Variants in KDELR2 observed in about 807,000 individuals in gnomAD.
The protein encoded by KDELR2 is ER lumen protein-retaining receptor 2.
Under a neutral mutation model 23.9 loss-of-function variants are expected in KDELR2, and 15 were observed. That is an observed-to-expected ratio of 0.63 (90% CI 0.42 to 0.97). The LOEUF (loss-of-function observed/expected upper bound fraction) is 0.97. Ranked by LOEUF, KDELR2 falls within the 50% of genes least tolerant of loss-of-function variation. The pLI, the probability that KDELR2 is intolerant of heterozygous loss-of-function variation, is 0.00. For synonymous variants in KDELR2, 119 were observed against 106.2 expected, an observed-to-expected ratio of 1.12 and a Z score of -0.74; for missense variants, 272 against 254.6, an observed-to-expected ratio of 1.07 and a Z score of -0.46.
chr7:6,469,762 T>TA lies in KDELR2; in HGVS notation c.193-9dup, dbSNP rs754189953. 6.3e-7 allele frequency: 1 copy of TA among 1,598,562 alleles called. No individual in the cohort carries two copies. The highest frequency in any genetic ancestry group is 1.1e-5 in the South Asian group (1 of 88,292). ...GCAGGCAAGGTAGATAACCTACAAA[T>TA]AAAAGAAAAAACACCAGGTGTCAAT... On this transcript the variant is annotated splice_polypyrimidine_tract_variant and intron_variant, in intron 2 of 4. Coordinates refer to ENST00000258739, the MANE Select transcript of KDELR2 (RefSeq NM_006854.4).
chr7:6,461,844 C>G lies in KDELR2; in HGVS notation c.*1297G>C, dbSNP rs188023966. On this transcript the variant is annotated 3_prime_UTR_variant, in exon 5 of 5. Coordinates refer to ENST00000258739, the MANE Select transcript of KDELR2 (RefSeq NM_006854.4). ...TTGCATTAATCAAAAAATAGCAAAT[C>G]CATATAATGGCAAAATCAGGAAAAA... The G allele has an allele frequency of 6.6e-6, 1 of 152,012 alleles. No individual in the cohort carries two copies. The highest frequency in any genetic ancestry group is 2.4e-5 in the African/African-American group (1 of 41,432). The allele number at this position is 152,012 out of a possible 1,614,324, so 9.4% of individuals were successfully genotyped here. A position where few individuals can be genotyped will look rare whatever the true frequency, so the allele number is the denominator to read the frequency against.
rs10281166 is a variant in KDELR2 at position 6,477,627 on chromosome 7, G to C, written c.92-3343C>G. On this transcript the variant is annotated intron_variant, in intron 1 of 4. Transcript: ENST00000258739. ...TCAGTCATTAAACAACATCATTCTT[G>C]TCTTATCCTACTGGGCCAGGTTAAA... 8.9e-3 allele frequency among the ~76,000 whole-genome samples: 1,356 copies of C among 152,276 alleles called. 21 individuals carry two copies. Among genetic ancestry groups the C allele is most frequent in the African/African-American group, 0.03 (1,235 of 41,540 alleles).
rs779233493 is a variant in KDELR2 at position 6,466,303 on chromosome 7, G to C, written c.372C>G (p.Ile124Met). Residue 124 changes from isoleucine to methionine, a missense_variant, in exon 4 of 5, where the codon ATC becomes ATG. Physicochemically the swap from Ile to Met is conservative, Grantham distance 10 (BLOSUM62 1). Transcript: ENST00000258739. The part of the protein sequence containing the change: ...SPLEILWTFS[I>M]YLESVAILPQ... Reference sequence around the variant, plus strand: ...GAAGGATAGCCACGGACTCCAGGTAGATGGAGAAGGTCCAGAGGATCTGGA... The same window carrying C: ...GAAGGATAGCCACGGACTCCAGGTACATGGAGAAGGTCCAGAGGATCTGGA... The C allele has an allele frequency of 2.5e-6, 4 of 1,614,032 alleles. No individual in the cohort carries two copies. In the South Asian group the frequency reaches 4.4e-5, roughly 18 times the overall value.
At position 6,470,036 on chromosome 7, in the gene KDELR2, T is replaced by G. The variant is rs974298481; in HGVS notation, c.193-282A>C. On this transcript the variant is annotated intron_variant, in intron 2 of 4. Transcript: ENST00000258739. Reference sequence around the variant, plus strand: ...ACTCCCCCAGGCTTCCTTCACCTCCTGCAGTGCAATCACACTTATGTTCTC... The same window carrying G: ...ACTCCCCCAGGCTTCCTTCACCTCCGGCAGTGCAATCACACTTATGTTCTC... 2.2e-5 allele frequency: 6 copies of G among 273,054 alleles called. No homozygotes were observed. In the South Asian group the frequency reaches 3.9e-4, roughly 18 times the overall value. 16.9% of individuals were successfully genotyped at this position (273,054 alleles called of 1,614,324 possible). A position where few individuals can be genotyped will look rare whatever the true frequency, so the allele number is the denominator to read the frequency against.
At chr7:6,475,893 G>C (rs1471155245) in intron 1 of KDELR2, among the ~76,000 whole-genome samples, 1 of 152,122 alleles carries the variant, frequency 6.6e-6, no homozygotes, top group African/African-American at 2.4e-5. Context: ...CACTCCTCTG[G>C]AACGTGAAAA....
Position 6,464,720 on chromosome 7 carries a change from A to ATGC in KDELR2, c.604+1348_604+1350dup, listed in dbSNP as rs916422592. Among the ~76,000 whole-genome samples, 7 of 143,056 alleles carry ATGC rather than the reference A, an allele frequency of 4.9e-5. No individual in the cohort carries two copies. In the South Asian group the frequency reaches 9.0e-4, roughly 18 times the overall value. The allele number at this position is 143,056 out of a possible 152,430, so 93.9% of individuals were successfully genotyped here. A position where few individuals can be genotyped will look rare whatever the true frequency, so the allele number is the denominator to read the frequency against. On this transcript the variant is annotated intron_variant, in intron 4 of 4. Transcript: ENST00000258739. ...ACAAAAGGAAAGAGATAAGACATAT[A>ATGC]TGCTCTTTTTTTTCTTTTTTTTTTT...
chr7:6,481,930 T>A (rs949393852), intron 1 of KDELR2, among the ~76,000 whole-genome samples: 1 of 152,134 alleles, frequency 6.6e-6, no homozygotes, highest in African/African-American at 2.4e-5. Flanking sequence ...AGATCCCACC[T>A]CCACAGAATG....
Position 6,462,761 on chromosome 7 carries a change from A to G in KDELR2, c.*380T>C. On this transcript the variant is annotated 3_prime_UTR_variant, in exon 5 of 5. Coordinates refer to ENST00000258739, the MANE Select transcript of KDELR2 (RefSeq NM_006854.4). ...TATAATCTATCAACTGTCAAGGAGT[A>G]CAATTTCATTGCAGACACAAAGACT... is the stretch of plus-strand genomic sequence containing the variant. 1 of 485,416 alleles carries G rather than the reference A, an allele frequency of 2.1e-6. No homozygotes were observed. The highest frequency in any genetic ancestry group is 3.6e-6 in the Non-Finnish European group (1 of 277,748). The allele number at this position is 485,416 out of a possible 1,614,324, so 30.1% of individuals were successfully genotyped here.
intron 1 of KDELR2, among the ~76,000 whole-genome samples, chr7:6,483,461 C>G (rs1258097273): frequency 6.6e-6 from 1 of 152,164 alleles, no homozygotes; most frequent in African/African-American, 2.4e-5. Flanking sequence ...GGTGGGGAGC[C>G]GAGTGACCTC....
In KDELR2 at chr7:6,466,111, G is replaced by A. The variant is rs538831789; in HGVS notation, c.564C>T (p.Thr188=). 128 of 1,614,062 alleles carry A rather than the reference G, an allele frequency of 7.9e-5. No homozygotes were observed. The Middle Eastern group carries it at 8.2e-4, about 10-fold the overall frequency. The change falls in exon 4 of 5, where the codon ACC becomes ACT. Residue 188 remains threonine, a synonymous_variant. Coordinates refer to ENST00000258739, the MANE Select transcript of KDELR2 (RefSeq NM_006854.4). The part of the protein sequence containing the change: ...LIAVVAGVVQ[T]ILYCDFFYLY... ...AGTAGAAGAAGTCACAGTATAGGAT[G>A]GTCTGGACTACGCCGGCCACCACAG...
intron 4 of KDELR2, 125 bp downstream of exon 4, chr7:6,465,946 C>G (rs1205303920): frequency 1.0e-6 from 1 of 961,698 alleles, no homozygotes; most frequent in Non-Finnish European, 1.6e-6. Context: ...ATGTTATTGG[C>G]CAATCATGAA....
At chr7:6,466,680 G>A (rs905540542) in intron 3 of KDELR2, among the ~76,000 whole-genome samples, 2 of 151,838 alleles carry the variant, frequency 1.3e-5, no homozygotes, top group African/African-American at 2.4e-5. Flanking sequence ...CCCTGAGCTT[G>A]TTTTCCTGCA....
Position 6,468,473 on chromosome 7 carries a change from CGTGCGAT to C in KDELR2, c.351+1116_351+1122del, listed in dbSNP as rs1204411414. The stretch of plus-strand genomic sequence containing the variant: ...CCTCCTGAGTAGCTGGGATTACAGG[CGTGCGAT>C]ACCACACCCAGCTAATTTTTGATTT... On this transcript the variant is annotated intron_variant, in intron 3 of 4. Transcript: ENST00000258739. 3.3e-5 allele frequency among the ~76,000 whole-genome samples: 5 copies of C among 151,856 alleles called. No homozygotes were observed. The East Asian group carries it at 9.7e-4, about 29-fold the overall frequency.
At chr7:6,479,685 G>A (rs1338383345) in intron 1 of KDELR2, among the ~76,000 whole-genome samples, 1 of 152,072 alleles carries the variant, frequency 6.6e-6, no homozygotes, top group African/African-American at 2.4e-5. Context: ...CACCGTGTTA[G>A]CCAGGATGGT....
chr7:6,473,462 T>G (rs914390734), intron 2 of KDELR2, among the ~76,000 whole-genome samples: 1 of 152,200 alleles, frequency 6.6e-6, no homozygotes, highest in African/African-American at 2.4e-5. Flanking sequence ...GTGTGGGGTG[T>G]GTGCCACCAG....
chr7:6,473,090 T>TG (rs1785687023), intron 2 of KDELR2, among the ~76,000 whole-genome samples: 3 of 144,042 alleles, frequency 2.1e-5, no homozygotes, highest in African/African-American at 7.7e-5. Context: ...GTATTTTTTT[T>TG]TTTTTTTTTT....
chr7:6,482,822 C>CA (rs1785930229), intron 1 of KDELR2, among the ~76,000 whole-genome samples: 1 of 77,980 alleles, frequency 1.3e-5, no homozygotes, highest in Non-Finnish European at 2.8e-5. Flanking sequence ...CTTGTGTCTA[C>CA]AAAAAATAGC....
chr7:6,472,897 CTTTTTTTTTTT>C (rs35369447), intron 2 of KDELR2, among the ~76,000 whole-genome samples: 1 of 111,222 alleles, frequency 9.0e-6, no homozygotes, highest in Non-Finnish European at 1.8e-5. Flanking sequence ...AGCCCCTGTT[CTTTTTTTTTTT>C]TTTTTTTTTC....
intron 3 of KDELR2, among the ~76,000 whole-genome samples, chr7:6,469,117 A>G (rs969502403): frequency 6.6e-6 from 1 of 151,004 alleles, no homozygotes; most frequent in African/African-American, 2.4e-5. Context: ...ATGCCCAGCT[A>G]ATTTTTTTTA....
Sources: allele counts gnomAD v4.1 joint callset (sites outside exome capture counted in the v4.1 genomes callset), GRCh38; gene constraint gnomAD v4.1.1; transcripts MANE v1.5; gene names NCBI Gene and HGNC (gene_info 2026-07-23, HGNC 2026-07-21).